The following CSMD1 variants were observed in gnomAD, a reference collection of about 807,000 sequenced individuals.
CSMD1 encodes the protein CUB and Sushi multiple domains 1, also known as CUB and sushi domain-containing protein 1.
A neutral mutation model predicts 417.5 loss-of-function variants in CSMD1; 213 were observed. That is an observed-to-expected ratio of 0.51 (90% CI 0.46 to 0.57). The LOEUF (loss-of-function observed/expected upper bound fraction) is 0.57, where lower values mean the gene tolerates loss of function less well. Among genes scored for constraint, CSMD1 ranks in the 20% least tolerant of loss-of-function variants. The pLI, the probability that CSMD1 is intolerant of heterozygous loss-of-function variation, is 0.00. For missense variants in CSMD1, 6,923 were observed against 4,529.7 expected, an observed-to-expected ratio of 1.53 and a Z score of -15.17; for synonymous variants, 2,862 against 1,736.8, an observed-to-expected ratio of 1.65 and a Z score of -16.11.
intron 2 of CSMD1, among the ~76,000 whole-genome samples, chr8:4,552,408 T>G (rs1797913985): frequency 6.6e-6 from 1 of 152,134 alleles, no homozygotes; most frequent in Non-Finnish European, 1.5e-5. Flanking sequence ...CTCAAAGACT[T>G]GCATCCATTC....
intron 1 of CSMD1, among the ~76,000 whole-genome samples, chr8:4,900,661 C>T (rs773060897): frequency 2.4e-4 from 36 of 152,210 alleles, no homozygotes; most frequent in Non-Finnish European, 5.0e-4. Context: ...GCCCTACTCT[C>T]TGCTGTCCAA....
chr8:4,090,697 G>C (rs1004486641), intron 3 of CSMD1, among the ~76,000 whole-genome samples: 1 of 152,098 alleles, frequency 6.6e-6, no homozygotes, highest in Non-Finnish European at 1.5e-5. Context: ...ATCTCTAGTA[G>C]GTTCTAGTGG....
intron 2 of CSMD1, among the ~76,000 whole-genome samples, chr8:4,428,223 C>T (rs1017980637): frequency 8.5e-5 from 13 of 152,186 alleles, no homozygotes; most frequent in Admixed American, 4.6e-4. Context: ...CTGAACCACA[C>T]ATTCTAAACA....
chr8:3,733,152 A>G (rs1375630119), intron 6 of CSMD1, among the ~76,000 whole-genome samples: 1 of 141,884 alleles, frequency 7.0e-6, no homozygotes, highest in Admixed American at 7.5e-5. Context: ...TAGACTCAGT[A>G]CCAGGAGGCC....
intron 3 of CSMD1, among the ~76,000 whole-genome samples, chr8:4,114,500 T>C (rs1802027769): frequency 6.6e-6 from 1 of 152,196 alleles, no homozygotes; most frequent in Non-Finnish European, 1.5e-5. Flanking sequence ...GCTAATAAAA[T>C]ATCCATTCTG....
intron 68 of CSMD1, among the ~76,000 whole-genome samples, chr8:2,947,374 C>T (rs901385657): frequency 1.3e-5 from 2 of 152,134 alleles, no homozygotes. Context: ...TGCCATCATT[C>T]TTAAATGAAT....
chr8:4,175,872 G>A (rs1367645572), intron 3 of CSMD1, among the ~76,000 whole-genome samples: 1 of 152,176 alleles, frequency 6.6e-6, no homozygotes. Flanking sequence ...TACCAAGCGA[G>A]TAATGGGGTC....
rs570873302 is a variant in CSMD1 at position 3,474,907 on chromosome 8, G to T, written c.1449-6083C>A. 4.6e-5 allele frequency among the ~76,000 whole-genome samples: 7 copies of T among 152,162 alleles called. No homozygotes were observed. In the South Asian group the frequency reaches 1.5e-3, roughly 32 times the overall value. ...CTAAATAAATCTATTTTTGATAGAG[G>T]AAAATATAATTTTATTTTGGAGAAA... On this transcript the variant is annotated intron_variant, in intron 11 of 69. Transcript: ENST00000635120.
At chr8:4,714,108 G>A (rs978252766) in intron 1 of CSMD1, among the ~76,000 whole-genome samples, 1 of 151,986 alleles carries the variant, frequency 6.6e-6, no homozygotes, top group African/African-American at 2.4e-5. Flanking sequence ...TCATGCCATT[G>A]CACTCCAGTC....
chr8:3,895,170 G>A (rs1029848965), intron 5 of CSMD1, among the ~76,000 whole-genome samples: 14 of 152,114 alleles, frequency 9.2e-5, no homozygotes, highest in Non-Finnish European at 1.8e-4. Flanking sequence ...CTAATTCAGA[G>A]ACACCAACAA....
chr8:4,649,176 T>A (rs1803726020), intron 1 of CSMD1, among the ~76,000 whole-genome samples: 1 of 152,206 alleles, frequency 6.6e-6, no homozygotes, highest in African/African-American at 2.4e-5. Flanking sequence ...TGAAGGCAGA[T>A]ACCTTTATTA....
chr8:3,427,231 G>T (rs57221847), intron 12 of CSMD1, among the ~76,000 whole-genome samples: 2,110 of 152,210 alleles, frequency 0.014, 55 homozygotes, highest in African/African-American at 0.048. Flanking sequence ...GAACTGGTCA[G>T]ATTTTATTTT....
chr8:3,278,993 T>G (rs997044467), intron 26 of CSMD1: 3 of 152,250 alleles, frequency 2.0e-5, no homozygotes, highest in Admixed American at 6.5e-5. Flanking sequence ...AACCAGGACA[T>G]GATTTATTCC....
At chr8:4,583,712 A>T (rs1315347090) in intron 2 of CSMD1, among the ~76,000 whole-genome samples, 2 of 152,106 alleles carry the variant, frequency 1.3e-5, no homozygotes, top group African/African-American at 4.8e-5. Context: ...CAGGCATTGT[A>T]AACACACCAG....
At chr8:4,274,594 A>C (rs1796369566) in intron 3 of CSMD1, among the ~76,000 whole-genome samples, 1 of 152,176 alleles carries the variant, frequency 6.6e-6, no homozygotes, top group African/African-American at 2.4e-5. Context: ...CTATTCTATT[A>C]ATAGATTAAT....
chr8:4,429,273 G>C (rs1044759812), intron 2 of CSMD1, among the ~76,000 whole-genome samples: 3 of 151,968 alleles, frequency 2.0e-5, no homozygotes, highest in Non-Finnish European at 4.4e-5. Flanking sequence ...ATCACTTCTT[G>C]TTGAAGAGAA....
intron 3 of CSMD1, among the ~76,000 whole-genome samples, chr8:4,221,425 C>A (rs1259969607): frequency 2.6e-5 from 4 of 151,176 alleles, no homozygotes; most frequent in Non-Finnish European, 5.9e-5. Context: ...ACTTGAGAAG[C>A]TACTGGGTTA....
At position 2,936,887 on chromosome 8, in the gene CSMD1, G is replaced by C. The variant is rs924974144; in HGVS notation, c.*1698C>G. On this transcript the variant is annotated 3_prime_UTR_variant, in exon 70 of 70. Coordinates refer to ENST00000635120, the MANE Select transcript of CSMD1 (RefSeq NM_033225.6). The stretch of plus-strand genomic sequence containing the variant: ...CAGTCTTAAAGCTAGGTGTCAATGT[G>C]TTCACTCCGACAACGTGAAGGCCAA... The C allele has an allele frequency of 6.6e-6, 1 of 152,138 alleles. No individual in the cohort carries two copies. The highest frequency in any genetic ancestry group is 1.5e-5 in the Non-Finnish European group (1 of 68,034). The allele number at this position is 152,138 out of a possible 1,614,324, so 9.4% of individuals were successfully genotyped here.
intron 1 of CSMD1, among the ~76,000 whole-genome samples, chr8:4,859,715 A>G (rs992202236): frequency 4.6e-5 from 7 of 152,038 alleles, no homozygotes; most frequent in Admixed American, 2.0e-4. Context: ...ATGAGATACC[A>G]TCTCACACCA....
Sources: gnomAD v4.1 joint callset for allele counts (sites outside exome capture counted in the v4.1 genomes callset) on GRCh38, gnomAD v4.1.1 for gene constraint, MANE v1.5 for transcripts, NCBI Gene and HGNC (gene_info 2026-07-23, HGNC 2026-07-21) for gene names.